Variants in EYA1 observed in about 807,000 individuals in gnomAD.
EYA1 encodes EYA transcriptional coactivator and phosphatase 1.
A neutral mutation model predicts 82.0 loss-of-function variants in EYA1; 16 were observed. The ratio of observed to expected loss-of-function variants is 0.20; its 90% CI spans 0.13 to 0.30. The LOEUF (loss-of-function observed/expected upper bound fraction) is 0.30, where lower values mean the gene tolerates loss of function less well. Among genes scored for constraint, EYA1 ranks in the 10% least tolerant of loss-of-function variants. The probability of loss-of-function intolerance (pLI) is 1.00; values close to 1 mark genes in which losing one functional copy is unlikely to be tolerated. For missense variants in EYA1, 633 were observed against 730.7 expected (o/e 0.87, Z 1.54); for synonymous variants, 261 against 264.4 (o/e 0.99, Z 0.12).
At chr8:71,402,137 GCCATTTGAGAA>G (rs1343332622) in intron 2 of EYA1, among the ~76,000 whole-genome samples, 1 of 152,154 alleles carries the variant, frequency 6.6e-6, no homozygotes, top group East Asian at 1.9e-4. Flanking sequence ...ATAGGATTGA[GCCATTTGAGAA>G]CCAGATGCAC....
chr8:71,347,877 G>A (rs1252637448), intron 3 of EYA1, among the ~76,000 whole-genome samples: 5 of 121,586 alleles, frequency 4.1e-5, no homozygotes, highest in African/African-American at 1.7e-4. Context: ...TGGGATACTG[G>A]AGGCATGCAA....
At chr8:71,371,416 T>G (rs902779283) in intron 2 of EYA1, among the ~76,000 whole-genome samples, 1 of 152,126 alleles carries the variant, frequency 6.6e-6, no homozygotes, top group African/African-American at 2.4e-5. Flanking sequence ...TCACTAAGTA[T>G]TCAGACCAGC....
chr8:71,425,313 C>T (rs1482996542), intron 2 of EYA1, among the ~76,000 whole-genome samples: 2 of 151,520 alleles, frequency 1.3e-5, no homozygotes, highest in Non-Finnish European at 2.9e-5. Flanking sequence ...AAAATGCACA[C>T]TTTAAAAACT....
Position 71,334,304 on chromosome 8 carries a change from T to A in EYA1, c.125-130A>T, listed in dbSNP as rs750093370. ...AAAACATTTTCCCTAACTGAACATA[T>A]ATCATAAGCATAAATAGACTCCTTT... On this transcript the variant is annotated intron_variant, in intron 3 of 17. Transcript: ENST00000340726. 5.1e-6 allele frequency: 4 copies of A among 788,400 alleles called. No homozygotes were observed. In the African/African-American group the frequency reaches 5.1e-5, roughly 10 times the overall value. The allele number at this position is 788,400 out of a possible 1,614,324, so 48.8% of individuals were successfully genotyped here.
At chr8:71,486,944 G>C (rs1810618901) in intron 2 of EYA1, among the ~76,000 whole-genome samples, 1 of 90,456 alleles carries the variant, frequency 1.1e-5, no homozygotes, top group Non-Finnish European at 2.5e-5. Context: ...CTTCTCAGGT[G>C]GTTCCAAATT....
chr8:71,211,290 A>T lies in EYA1; in HGVS notation c.1598-34T>A, dbSNP rs746924872. 9 of 1,426,900 alleles carry T rather than the reference A, an allele frequency of 6.3e-6. 1 individual carries two copies. In the South Asian group the frequency reaches 1.0e-4, roughly 16 times the overall value. 88.4% of individuals were successfully genotyped at this position (1,426,900 alleles called of 1,614,324 possible). A position where few individuals can be genotyped will look rare whatever the true frequency, so the allele number is the denominator to read the frequency against. On this transcript the variant is annotated intron_variant, in intron 16 of 17. Transcript: ENST00000340726. ...CAAAAATAAATGATAGAAAATGTGA[A>T]GTTTGGGTAACCTAATGTGACAGTG...
chr8:71,433,672 C>A (rs573222039), intron 2 of EYA1, among the ~76,000 whole-genome samples: 4 of 152,238 alleles, frequency 2.6e-5, no homozygotes, highest in East Asian at 3.9e-4. Flanking sequence ...GTCCTGAGTA[C>A]GGGTGTGACT....
chr8:71,368,750 T>A lies in EYA1; in HGVS notation c.34-12239A>T, dbSNP rs187649060. Among the ~76,000 whole-genome samples the A allele has an allele frequency of 5.4e-3, 827 of 152,212 alleles. 7 individuals carry two copies. The highest frequency in any genetic ancestry group is 0.019 in the African/African-American group (789 of 41,528). On this transcript the variant is annotated intron_variant, in intron 2 of 18. Transcript: ENST00000643681. ...TGACCTAACTCACCACAAATAAATGTATTCATGATTAATTATTGAAGACTA... is the reference window on the plus strand; with the variant it reads ...TGACCTAACTCACCACAAATAAATGAATTCATGATTAATTATTGAAGACTA...
At chr8:71,276,167 A>T (rs1041375408) in intron 9 of EYA1, among the ~76,000 whole-genome samples, 1 of 152,230 alleles carries the variant, frequency 6.6e-6, no homozygotes, top group African/African-American at 2.4e-5. Context: ...TTGATTACTT[A>T]GTAACATGGT....
intron 2 of EYA1, among the ~76,000 whole-genome samples, chr8:71,478,781 A>T (rs1161368910): frequency 6.6e-6 from 1 of 152,152 alleles, no homozygotes; most frequent in Non-Finnish European, 1.5e-5. Flanking sequence ...CATGAGTCAG[A>T]GTCCTACACA....
chr8:71,240,626 T>C (rs1004232472), intron 12 of EYA1, among the ~76,000 whole-genome samples: 2 of 152,206 alleles, frequency 1.3e-5, no homozygotes, highest in Admixed American at 1.3e-4. Context: ...TAAAGGTCAC[T>C]CTGTCAACAT....
intron 2 of EYA1, among the ~76,000 whole-genome samples, chr8:71,425,204 A>G (rs1236028733): frequency 1.3e-5 from 2 of 151,296 alleles, no homozygotes; most frequent in African/African-American, 4.9e-5. Flanking sequence ...AATGGTGTGA[A>G]CCCGGGAGGC....
In EYA1 at chr8:71,525,070, C is replaced by T. The variant is rs149843001; in HGVS notation, c.33+10674G>A. 6.5e-4 allele frequency among the ~76,000 whole-genome samples: 99 copies of T among 152,246 alleles called. 1 individual carries two copies. In the East Asian group the frequency reaches 9.6e-3, roughly 15 times the overall value. On this transcript the variant is annotated intron_variant, in intron 2 of 18. Transcript: ENST00000643681. ...ATCCTCATGATCATTCTGAGATACC[C>T]AGTATTGAAATACTATCCTCATTTT...
intron 2 of EYA1, among the ~76,000 whole-genome samples, chr8:71,378,426 A>G (rs1191145566): frequency 6.6e-6 from 1 of 152,198 alleles, no homozygotes; most frequent in Non-Finnish European, 1.5e-5. Context: ...TCATGAATTC[A>G]GGTTTGAACC....
At chr8:71,328,058 T>C (rs1011944171) in intron 4 of EYA1, among the ~76,000 whole-genome samples, 3 of 151,988 alleles carry the variant, frequency 2.0e-5, no homozygotes, top group Non-Finnish European at 4.4e-5. Flanking sequence ...GGTTTCACCA[T>C]GTTAGCCAGG....
At chr8:71,255,315 T>C (rs1190340652) in intron 11 of EYA1, among the ~76,000 whole-genome samples, 4 of 152,108 alleles carry the variant, frequency 2.6e-5, no homozygotes, top group Admixed American at 2.6e-4. Flanking sequence ...AATAACAAAC[T>C]TGGAAGTGTT....
intron 4 of EYA1, among the ~76,000 whole-genome samples, chr8:71,333,514 C>T (rs970163672): frequency 6.6e-6 from 1 of 152,144 alleles, no homozygotes; most frequent in Non-Finnish European, 1.5e-5. Context: ...TTCTCACAAC[C>T]ACCTTATGAT....
chr8:71,538,191 T>C (rs1306516554), intron 1 of EYA1, among the ~76,000 whole-genome samples: 1 of 152,224 alleles, frequency 6.6e-6, no homozygotes, highest in African/African-American at 2.4e-5. Context: ...ATTCCCTTGC[T>C]GGACTTGATC....
chr8:71,333,066 T>C (rs1333308264), intron 4 of EYA1, among the ~76,000 whole-genome samples: 1 of 152,220 alleles, frequency 6.6e-6, no homozygotes, highest in Admixed American at 6.5e-5. Flanking sequence ...TGTGATGGTC[T>C]GTTCATTTGT....
Sources: gnomAD v4.1 joint callset for allele counts (sites outside exome capture counted in the v4.1 genomes callset) on GRCh38, gnomAD v4.1.1 for gene constraint, MANE v1.5 for transcripts, NCBI Gene and HGNC (gene_info 2026-07-23, HGNC 2026-07-21) for gene names.